The following NPEPPS variants were observed in gnomAD, a reference collection of about 807,000 sequenced individuals.
NPEPPS encodes the protein aminopeptidase puromycin sensitive.
In NPEPPS, 14 loss-of-function variants were observed where a neutral mutation model predicts 115.5. The ratio of observed to expected loss-of-function variants is 0.12; its 90% CI spans 0.08 to 0.19. The LOEUF (loss-of-function observed/expected upper bound fraction) is 0.19, where lower values mean the gene tolerates loss of function less well. Among genes scored for constraint, NPEPPS ranks in the 10% least tolerant of loss-of-function variants. NPEPPS has a pLI of 1.00. For missense variants in NPEPPS, 523 were observed against 1,110.8 expected (o/e 0.47, Z 7.52); for synonymous variants, 285 against 390.6 (o/e 0.73, Z 3.19).
chr17:47,619,660 GATTT>G, intron 21 of NPEPPS, 73 bp from the exon 22 acceptor site: 1 of 1,184,664 alleles, frequency 8.4e-7, no homozygotes, highest in South Asian at 1.2e-5. Context: ...AGAACAGAAT[GATTT>G]ATTTTTAGGG....
intron 2 of NPEPPS, among the ~76,000 whole-genome samples, chr17:47,559,963 C>G (rs1910323941): frequency 3.3e-5 from 5 of 152,162 alleles, no homozygotes; most frequent in African/African-American, 9.6e-5. Flanking sequence ...GGGCCTATAG[C>G]CTCAGCTTCT....
chr17:47,603,832 C>T, intron 15 of NPEPPS, 83 bp from the exon 16 acceptor site: 1 of 1,328,436 alleles, frequency 7.5e-7, no homozygotes, highest in Non-Finnish European at 1.0e-6. Context: ...ATATCTAAAA[C>T]CAGAACTCCT....
chr17:47,617,806 A>G (rs1249119444), intron 19 of NPEPPS, among the ~76,000 whole-genome samples: 1 of 152,214 alleles, frequency 6.6e-6, no homozygotes, highest in Non-Finnish European at 1.5e-5. Context: ...CAGGCTGTTC[A>G]TCTGGTAGCA....
intron 7 of NPEPPS, 42 bp from the exon 8 acceptor site, chr17:47,586,323 T>A: frequency 1.6e-6 from 2 of 1,239,528 alleles, no homozygotes; most frequent in Non-Finnish European, 2.2e-6. Context: ...AGTATATATA[T>A]ATATATATAT....
At chr17:47,607,790 C>A (rs897182456) in intron 17 of NPEPPS, among the ~76,000 whole-genome samples, 2 of 152,140 alleles carry the variant, frequency 1.3e-5, no homozygotes, top group African/African-American at 4.8e-5. Context: ...TTTTGGCCTG[C>A]AGAACTGGAA....
chr17:47,616,469 A>G (rs1914206745), intron 19 of NPEPPS, among the ~76,000 whole-genome samples: 1 of 151,990 alleles, frequency 6.6e-6, no homozygotes, highest in Admixed American at 6.6e-5. Flanking sequence ...GTGGATCACA[A>G]GGTCAGGAGT....
intron 1 of NPEPPS, among the ~76,000 whole-genome samples, chr17:47,542,706 G>A (rs888205139): frequency 6.6e-6 from 1 of 152,132 alleles, no homozygotes; most frequent in African/African-American, 2.4e-5. Flanking sequence ...CCTGCCTCAG[G>A]AAGCATTTCT....
chr17:47,570,220 G>A (rs745528387), intron 3 of NPEPPS, among the ~76,000 whole-genome samples: 1 of 152,170 alleles, frequency 6.6e-6, no homozygotes, highest in Non-Finnish European at 1.5e-5. Context: ...CCAGGAGTTA[G>A]GGACCAGCAT....
intron 3 of NPEPPS, among the ~76,000 whole-genome samples, chr17:47,578,008 C>G (rs978682220): frequency 3.9e-5 from 6 of 152,086 alleles, no homozygotes; most frequent in African/African-American, 1.4e-4. Flanking sequence ...GAGTTTAAGA[C>G]CAGCTGGCCA....
chr17:47,554,966 C>T (rs112164322), intron 2 of NPEPPS, among the ~76,000 whole-genome samples: 13 of 152,250 alleles, frequency 8.5e-5, no homozygotes, highest in Middle Eastern at 3.4e-3. Context: ...TTAAAACTTA[C>T]GAATTCTTTG....
At chr17:47,529,067 C>T (rs572795137), upstream of NPEPPS, among the ~76,000 whole-genome samples, 821 of 152,134 alleles carry the variant, frequency 5.4e-3, 6 homozygotes, top group Non-Finnish European at 9.0e-3. Context: ...TTTAATACTA[C>T]CTAGTGGTTC....
At chr17:47,606,401 G>C (rs1913519165) in intron 17 of NPEPPS, among the ~76,000 whole-genome samples, 1 of 151,430 alleles carries the variant, frequency 6.6e-6, no homozygotes, top group Non-Finnish European at 1.5e-5. Context: ...GACCAGTCTT[G>C]ACCCAGAAGT....
At position 47,535,787 on chromosome 17, in the gene NPEPPS, TTTATGA is replaced by T. The variant is rs538747355; in HGVS notation, c.255+4239_255+4244del. ...TATAAGTTTATGTGTGTGACTACTA[TTTATGA>T]TTATGAGTGTGTAGTGGTTGGTACA... On this transcript the variant is annotated intron_variant, in intron 1 of 22. Coordinates refer to ENST00000322157, the MANE Select transcript of NPEPPS (RefSeq NM_006310.4). 6.8e-4 allele frequency among the ~76,000 whole-genome samples: 102 copies of T among 150,394 alleles called. 1 individual carries two copies. In the East Asian group the frequency reaches 0.017, roughly 25 times the overall value.
chr17:47,592,666 C>T (rs1317032964), intron 12 of NPEPPS, 121 bp downstream of exon 12: 2 of 896,094 alleles, frequency 2.2e-6, no homozygotes, highest in African/African-American at 1.7e-5. Context: ...ATAAATTAGC[C>T]TTATTTGAAG....
At chr17:47,591,477 G>T (rs1368044944) in intron 10 of NPEPPS, among the ~76,000 whole-genome samples, 1 of 152,056 alleles carries the variant, frequency 6.6e-6, no homozygotes, top group Non-Finnish European at 1.5e-5. Flanking sequence ...TATTGTCAGG[G>T]TCTGTTTTGT....
chr17:47,554,039 A>G (rs765960672), intron 2 of NPEPPS, among the ~76,000 whole-genome samples: 1 of 125,928 alleles, frequency 7.9e-6, no homozygotes, highest in Non-Finnish European at 1.7e-5. Flanking sequence ...TGTGAGCCAC[A>G]GTATCTTTTT....
chr17:47,598,056 G>T (rs1597876155), intron 13 of NPEPPS, among the ~76,000 whole-genome samples: 1 of 152,312 alleles, frequency 6.6e-6, no homozygotes, highest in East Asian at 1.9e-4. Context: ...GACTAGTCTT[G>T]TTATAGGAGA....
chr17:47,577,515 T>G (rs1015239148), intron 3 of NPEPPS, among the ~76,000 whole-genome samples: 1 of 152,190 alleles, frequency 6.6e-6, no homozygotes, highest in Non-Finnish European at 1.5e-5. Flanking sequence ...TTAGTATCAT[T>G]TAGAATTATC....
intron 9 of NPEPPS, among the ~76,000 whole-genome samples, chr17:47,590,464 AAAAAAAG>A (rs1912433299): frequency 6.6e-6 from 1 of 152,006 alleles, no homozygotes; most frequent in Non-Finnish European, 1.5e-5. Context: ...CTCAAAAAAA[AAAAAAAG>A]AAAAGAAAGG....
Sources: gnomAD v4.1 joint callset for allele counts (sites outside exome capture counted in the v4.1 genomes callset) on GRCh38, gnomAD v4.1.1 for gene constraint, MANE v1.5 for transcripts, NCBI Gene and HGNC (gene_info 2026-07-23, HGNC 2026-07-21) for gene names.